LPAR1: variants seen among roughly 807,000 people sequenced by gnomAD.
The protein encoded by LPAR1 is lysophosphatidic acid receptor 1, also known as LPA receptor 1.
Under a neutral mutation model 23.8 loss-of-function variants are expected in LPAR1, and 5 were observed. The ratio of observed to expected loss-of-function variants is 0.21; its 90% CI spans 0.11 to 0.44. LPAR1 has a LOEUF of 0.44. Ranked by LOEUF, LPAR1 falls within the 20% of genes least tolerant of loss-of-function variation. The pLI, the probability that LPAR1 is intolerant of heterozygous loss-of-function variation, is 0.99. For synonymous variants in LPAR1, 160 were observed against 164.7 expected (o/e 0.97, Z 0.22); for missense variants, 311 against 482.8 (o/e 0.64, Z 3.33).
chr9:110,928,025 A>G (rs892532485), intron 5 of LPAR1, among the ~76,000 whole-genome samples: 4 of 152,130 alleles, frequency 2.6e-5, no homozygotes, highest in Non-Finnish European at 5.9e-5. Context: ...AATGTCCTCA[A>G]AGTTTAATCA....
Position 110,941,875 on chromosome 9 carries a change from A to C in LPAR1, c.339T>G (p.Thr113=). ...FYLMFNTGPN[T]RRLTVSTWLL... is the part of the protein sequence containing the mutation. ...GCCATGTGCTAACAGTCAGTCTCCG[A>C]GTATTGGGTCCTGTGTTGAACATGA... is the stretch of plus-strand genomic sequence containing the variant. The change falls in exon 5 of 6, where the codon ACT becomes ACG. Residue 113 remains threonine, a synonymous_variant. Coordinates refer to ENST00000683809, the MANE Select transcript of LPAR1 (RefSeq NM_001351411.2). The surrounding 1 kb of genome is among the most constrained non-coding windows in gnomAD (Gnocchi z 6.1). 6.2e-7 allele frequency: 1 copy of C among 1,614,216 alleles called. No homozygotes were observed. The highest frequency in any genetic ancestry group is 8.5e-7 in the Non-Finnish European group (1 of 1,180,028).
intron 5 of LPAR1, chr9:110,934,426 C>A (rs183635189): frequency 6.6e-6 from 1 of 152,148 alleles, no homozygotes; most frequent in Non-Finnish European, 1.5e-5. Context: ...AGTGCAGGGA[C>A]GTGTACAACT....
intron 5 of LPAR1, among the ~76,000 whole-genome samples, chr9:110,906,049 T>C (rs964727852): frequency 2.0e-5 from 3 of 152,212 alleles, no homozygotes; most frequent in Admixed American, 1.3e-4. Context: ...AACTTTACCA[T>C]AGGTAGCAAT....
At chr9:110,998,612 G>C (rs2097066378) in intron 2 of LPAR1, among the ~76,000 whole-genome samples, 1 of 152,166 alleles carries the variant, frequency 6.6e-6, no homozygotes, top group African/African-American at 2.4e-5. Context: ...ACAACAATAA[G>C]GGAGCTGCAA....
chr9:110,942,821 T>C (rs977656733), intron 4 of LPAR1, among the ~76,000 whole-genome samples: 2 of 152,108 alleles, frequency 1.3e-5, no homozygotes, highest in African/African-American at 4.8e-5. Context: ...TCTATGACAT[T>C]TGAGAATTTT....
intron 2 of LPAR1, among the ~76,000 whole-genome samples, chr9:110,984,803 G>GAA (rs574292244): frequency 7.0e-5 from 10 of 142,734 alleles, no homozygotes; most frequent in Non-Finnish European, 1.2e-4. Context: ...TAACTAATAG[G>GAA]AAAAAAAAAA....
chr9:111,019,056 T>C (rs533830245), intron 2 of LPAR1, among the ~76,000 whole-genome samples: 2 of 152,248 alleles, frequency 1.3e-5, no homozygotes, highest in Admixed American at 6.5e-5. Context: ...ATAATAGAAA[T>C]AGGCCATAAA....
intron 5 of LPAR1, among the ~76,000 whole-genome samples, chr9:110,939,389 T>C (rs2094940416): frequency 6.6e-6 from 1 of 152,230 alleles, no homozygotes; most frequent in Admixed American, 6.5e-5. Context: ...ACCAAATACC[T>C]TCACCTATCA....
At chr9:110,938,560 T>G (rs531163628) in intron 5 of LPAR1, among the ~76,000 whole-genome samples, 1 of 152,128 alleles carries the variant, frequency 6.6e-6, no homozygotes, top group Non-Finnish European at 1.5e-5. Flanking sequence ...ATATTTAGCA[T>G]TAAGAGTGGG....
At chr9:110,879,762 T>G (rs533330495) in intron 5 of LPAR1, among the ~76,000 whole-genome samples, 2 of 152,224 alleles carry the variant, frequency 1.3e-5, no homozygotes, top group Non-Finnish European at 2.9e-5. Flanking sequence ...AGAAGAGAGA[T>G]AATGAAAGCC....
intron 4 of LPAR1, among the ~76,000 whole-genome samples, chr9:110,943,403 C>G (rs1198495039): frequency 6.6e-6 from 1 of 151,986 alleles, no homozygotes; most frequent in East Asian, 1.9e-4. Flanking sequence ...TACACTAAAA[C>G]TTCCAAGAAC....
chr9:110,892,432 G>A (rs1029864120), intron 5 of LPAR1, among the ~76,000 whole-genome samples: 11 of 152,176 alleles, frequency 7.2e-5, no homozygotes, highest in African/African-American at 1.7e-4. Flanking sequence ...TTGGGAGGCC[G>A]AGGCAGGTGG....
chr9:111,030,452 G>A (rs774821510), intron 2 of LPAR1, among the ~76,000 whole-genome samples: 5 of 152,136 alleles, frequency 3.3e-5, no homozygotes, highest in Non-Finnish European at 5.9e-5. Context: ...TCCAAGGCGG[G>A]GGTCCTCACT....
At chr9:110,967,291 A>T (rs2096257610) in intron 4 of LPAR1, among the ~76,000 whole-genome samples, 1 of 152,224 alleles carries the variant, frequency 6.6e-6, no homozygotes, top group African/African-American at 2.4e-5. Context: ...CAGAGAATAC[A>T]AACTTGCCCC....
At chr9:110,927,588 A>G (rs1431332356) in intron 5 of LPAR1, among the ~76,000 whole-genome samples, 1 of 152,166 alleles carries the variant, frequency 6.6e-6, no homozygotes, top group Non-Finnish European at 1.5e-5. Flanking sequence ...TTGAAAACAA[A>G]ACTGAAAACA....
chr9:110,876,507 A>C (rs1394986654), intron 5 of LPAR1, among the ~76,000 whole-genome samples: 1 of 152,178 alleles, frequency 6.6e-6, no homozygotes, highest in Non-Finnish European at 1.5e-5. Flanking sequence ...TAATATCCCC[A>C]TTGTACAGAT....
intron 5 of LPAR1, among the ~76,000 whole-genome samples, chr9:110,932,706 A>C (rs1325250005): frequency 1.3e-5 from 2 of 152,208 alleles, no homozygotes; most frequent in African/African-American, 4.8e-5. Context: ...TTCTCATAGG[A>C]GTGTGAACCC....
chr9:110,939,886 A>C (rs1290665180), intron 5 of LPAR1, among the ~76,000 whole-genome samples: 1 of 152,242 alleles, frequency 6.6e-6, no homozygotes. Context: ...TAAATATTTG[A>C]GTCAATACAG....
At chr9:110,949,081 G>C (rs2095487959) in intron 4 of LPAR1, among the ~76,000 whole-genome samples, 1 of 152,140 alleles carries the variant, frequency 6.6e-6, no homozygotes, top group Admixed American at 6.6e-5. Flanking sequence ...TGTCAAGTCT[G>C]AGAACCCTCA....
Sources: gnomAD v4.1 joint callset for allele counts (sites outside exome capture counted in the v4.1 genomes callset) on GRCh38, gnomAD v4.1.1 for gene constraint, Gnocchi (gnomAD v3.1) non-coding constraint, MANE v1.5 for transcripts, NCBI Gene and HGNC (gene_info 2026-07-23, HGNC 2026-07-21) for gene names.